Variants in CDH13 observed in about 807,000 individuals in gnomAD.
The protein encoded by CDH13 is cadherin 13.
CDH13 carries 24 observed loss-of-function variants against 63.8 expected under a neutral mutation model. That is an observed-to-expected ratio of 0.38 (90% CI 0.27 to 0.53). CDH13 has a LOEUF of 0.53. Among genes scored for constraint, CDH13 ranks in the 20% least tolerant of loss-of-function variants. The pLI, the probability that CDH13 is intolerant of heterozygous loss-of-function variation, is 0.85. For missense variants in CDH13, 1,049 were observed against 903.1 expected, an observed-to-expected ratio of 1.16 and a Z score of -2.07; for synonymous variants, 503 against 355.3, an observed-to-expected ratio of 1.42 and a Z score of -4.67.
chr16:83,098,392 C>G (rs2034308973), intron 3 of CDH13, among the ~76,000 whole-genome samples: 1 of 152,162 alleles, frequency 6.6e-6, no homozygotes, highest in African/African-American at 2.4e-5. Flanking sequence ...AATCAATTTT[C>G]CTTCTAAACA....
intron 1 of CDH13, among the ~76,000 whole-genome samples, chr16:82,686,875 G>T (rs976140253): frequency 1.3e-5 from 2 of 152,198 alleles, no homozygotes; most frequent in African/African-American, 4.8e-5. Context: ...TCTTACTCAA[G>T]CTACAACAGG....
At chr16:82,931,995 G>A (rs2042511600) in intron 2 of CDH13, among the ~76,000 whole-genome samples, 1 of 152,082 alleles carries the variant, frequency 6.6e-6, no homozygotes, top group African/African-American at 2.4e-5. Context: ...TGAAAAGGGG[G>A]GCACAGTTAA....
chr16:82,633,882 G>C (rs2150871701), intron 1 of CDH13, among the ~76,000 whole-genome samples: 1 of 152,272 alleles, frequency 6.6e-6, no homozygotes, highest in African/African-American at 2.4e-5. Context: ...GATGATTCTT[G>C]TTTTCCATAG....
intron 7 of CDH13, among the ~76,000 whole-genome samples, chr16:83,490,202 A>G (rs908367931): frequency 6.6e-6 from 1 of 152,132 alleles, no homozygotes; most frequent in African/African-American, 2.4e-5. Context: ...CATTTAGTCA[A>G]TTTCCTTTCT....
chr16:82,717,435 A>G (rs1239255219), intron 1 of CDH13, among the ~76,000 whole-genome samples: 1 of 8,722 alleles, frequency 1.1e-4, no homozygotes, highest in East Asian at 3.1e-3. Flanking sequence ...GACTTTGCCT[A>G]AAAAAAAAAA....
chr16:82,881,374 T>C (rs1341567264), intron 2 of CDH13, among the ~76,000 whole-genome samples: 1 of 151,906 alleles, frequency 6.6e-6, no homozygotes, highest in Non-Finnish European at 1.5e-5. Context: ...AAAGCTGGAG[T>C]CTGACAGTCT....
At chr16:83,723,925 T>G (rs905935681) in intron 10 of CDH13, among the ~76,000 whole-genome samples, 72 of 152,314 alleles carry the variant, frequency 4.7e-4, no homozygotes, top group African/African-American at 1.7e-3. Flanking sequence ...AATTGATGGA[T>G]GCATGGATAG....
chr16:83,272,083 T>A (rs1014205195), intron 5 of CDH13, among the ~76,000 whole-genome samples: 1 of 152,250 alleles, frequency 6.6e-6, no homozygotes. Flanking sequence ...AACCAGTGTT[T>A]GGGTGCTTCT....
intron 1 of CDH13, among the ~76,000 whole-genome samples, chr16:82,734,778 G>A (rs1363382823): frequency 2.6e-5 from 4 of 151,572 alleles, no homozygotes; most frequent in Non-Finnish European, 5.9e-5. Flanking sequence ...AGTGTTGATC[G>A]GTCATTGAAT....
intron 5 of CDH13, among the ~76,000 whole-genome samples, chr16:83,288,073 T>G (rs1026572620): frequency 3.9e-5 from 6 of 152,178 alleles, no homozygotes; most frequent in African/African-American, 9.7e-5. Flanking sequence ...TATTTAAAAT[T>G]TTTAGGTAGT....
chr16:82,835,963 C>G (rs150730876), intron 1 of CDH13, among the ~76,000 whole-genome samples: 1 of 152,146 alleles, frequency 6.6e-6, no homozygotes, highest in Non-Finnish European at 1.5e-5. Flanking sequence ...AAAGTCTCAT[C>G]GCTCAGGTCT....
At chr16:82,731,928 T>C (rs528021011) in intron 1 of CDH13, among the ~76,000 whole-genome samples, 13 of 152,338 alleles carry the variant, frequency 8.5e-5, no homozygotes, top group African/African-American at 3.1e-4. Context: ...TCTCTTTAGC[T>C]TCCAGGCCTT....
intron 7 of CDH13, among the ~76,000 whole-genome samples, chr16:83,532,410 G>A (rs2075101332): frequency 6.6e-6 from 1 of 152,172 alleles, no homozygotes; most frequent in African/African-American, 2.4e-5. Flanking sequence ...CCCAGCACCT[G>A]GAACCAGTGC....
intron 1 of CDH13, among the ~76,000 whole-genome samples, chr16:82,842,159 TATATACACACACACAC>T (rs2039061078): frequency 1.7e-5 from 1 of 59,200 alleles, no homozygotes; most frequent in African/African-American, 5.9e-5. Context: ...TATATATATA[TATATACACACACACAC>T]ATATATATAC....
chr16:82,856,281 C>T (rs111940872), intron 1 of CDH13, among the ~76,000 whole-genome samples: 20,418 of 149,108 alleles, frequency 0.14, 1,606 homozygotes, highest in Admixed American at 0.2. Context: ...GAGGCTGAGG[C>T]GGGAGAATGG....
intron 3 of CDH13, among the ~76,000 whole-genome samples, chr16:83,120,687 C>G (rs1413543106): frequency 1.4e-4 from 21 of 151,922 alleles, no homozygotes. Context: ...TTTTTGCCAC[C>G]CTTAACAAAC....
intron 6 of CDH13, among the ~76,000 whole-genome samples, chr16:83,368,411 G>A (rs1026219289): frequency 1.3e-5 from 2 of 152,140 alleles, no homozygotes; most frequent in Admixed American, 1.3e-4. Context: ...GACTTAGGAC[G>A]CATTTTCCCC....
intron 8 of CDH13, among the ~76,000 whole-genome samples, chr16:83,619,553 T>C (rs910380240): frequency 6.6e-6 from 1 of 152,076 alleles, no homozygotes; most frequent in African/African-American, 2.4e-5. Flanking sequence ...GGAGAGAGAA[T>C]TGGTTTGATG....
Position 83,486,604 on chromosome 16 carries a change from T to C in CDH13, c.909T>C (p.Pro303=), listed in dbSNP as rs777983351. ...KPSPNMFYID[P]EKGDIVTVVS... Reference sequence around the variant, plus strand: ...CTCCCAACATGTTCTACATCGATCCTGAGAAAGGAGACATTGTCACTGTTG... The same window carrying C: ...CTCCCAACATGTTCTACATCGATCCCGAGAAAGGAGACATTGTCACTGTTG... The change falls in exon 7 of 14, where the codon CCT becomes CCC. Residue 303 remains proline, a synonymous_variant. Coordinates refer to ENST00000567109, the MANE Select transcript of CDH13 (RefSeq NM_001257.5). The C allele has an allele frequency of 6.2e-7, 1 of 1,613,862 alleles. No individual in the cohort carries two copies. Among genetic ancestry groups the C allele is most frequent in the Admixed American group, 1.7e-5 (1 of 60,024 alleles).
Sources: gnomAD v4.1 joint callset for allele counts (sites outside exome capture counted in the v4.1 genomes callset) on GRCh38, gnomAD v4.1.1 for gene constraint, MANE v1.5 for transcripts, NCBI Gene and HGNC (gene_info 2026-07-23, HGNC 2026-07-21) for gene names.